The following STT3B variants were observed in gnomAD, a reference collection of about 807,000 sequenced individuals.
STT3B encodes the protein dolichyl-diphosphooligosaccharide--protein glycosyltransferase subunit STT3B.
STT3B carries 29 observed loss-of-function variants against 96.8 expected under a neutral mutation model. That is an observed-to-expected ratio of 0.30 (90% CI 0.22 to 0.41). STT3B has a LOEUF of 0.41. STT3B is among the 10% of genes least tolerant of loss of function. The pLI is 1.00. For synonymous variants in STT3B, 367 were observed against 360.0 expected (o/e 1.02, Z -0.22); for missense variants, 640 against 1,022.3 (o/e 0.63, Z 5.10).
intron 4 of STT3B, among the ~76,000 whole-genome samples, chr3:31,598,978 T>C (rs1395048475): frequency 2.0e-5 from 3 of 151,980 alleles, no homozygotes; most frequent in African/African-American, 7.2e-5. Flanking sequence ...CCTGGCTGAT[T>C]TTTGTATTTT....
At chr3:31,600,155 A>T (rs1366584929) in intron 4 of STT3B, among the ~76,000 whole-genome samples, 1 of 152,116 alleles carries the variant, frequency 6.6e-6, no homozygotes, top group African/African-American at 2.4e-5. Context: ...GGAAAAGCAT[A>T]TTGGATTTGT....
chr3:31,610,784 T>C (rs1699164059), intron 5 of STT3B, among the ~76,000 whole-genome samples: 1 of 152,206 alleles, frequency 6.6e-6, no homozygotes, highest in Non-Finnish European at 1.5e-5. Context: ...AATAATAATA[T>C]ATGTGTGTGT....
At chr3:31,534,435 A>G (rs1697034603) in intron 1 of STT3B, among the ~76,000 whole-genome samples, 1 of 152,180 alleles carries the variant, frequency 6.6e-6, no homozygotes, top group Non-Finnish European at 1.5e-5. Context: ...CTCTGAGAGT[A>G]TGCCTTTTAA....
chr3:31,633,103 C>G lies in STT3B; in HGVS notation c.2356C>G (p.Arg786Gly). ...DNRETLDHKP[R>G]VTNIFPKQKY... ...CAGGGAGACATTAGATCACAAACCT[C>G]GAGTCACCAACATTTTCCCAAAACA... is the stretch of plus-strand genomic sequence containing the variant. Residue 786 changes from arginine (R) to glycine (G), a missense_variant, in exon 15 of 16, where the codon CGA becomes GGA. This residue lies in a region of STT3B where 51 missense variants were observed against 64.2 expected (regional missense o/e 0.79). Transcript: ENST00000295770. The G allele has an allele frequency of 1.2e-6, 2 of 1,613,942 alleles. No individual in the cohort carries two copies. The highest frequency in any genetic ancestry group is 1.7e-6 in the Non-Finnish European group (2 of 1,179,928).
At chr3:31,583,899 C>G (rs749861982) in intron 3 of STT3B, among the ~76,000 whole-genome samples, 1 of 151,946 alleles carries the variant, frequency 6.6e-6, no homozygotes, top group Non-Finnish European at 1.5e-5. Context: ...GGATAGTGTC[C>G]TTTGCATGAA....
At chr3:31,549,195 A>G (rs1697491254) in intron 1 of STT3B, among the ~76,000 whole-genome samples, 1 of 152,092 alleles carries the variant, frequency 6.6e-6, no homozygotes, top group Non-Finnish European at 1.5e-5. Flanking sequence ...AGTGTTTTAA[A>G]TCTTTTTATT....
intron 1 of STT3B, among the ~76,000 whole-genome samples, chr3:31,561,799 C>T (rs1374241807): frequency 6.6e-6 from 1 of 151,836 alleles, no homozygotes; most frequent in Non-Finnish European, 1.5e-5. Flanking sequence ...AGAATTTTTT[C>T]CTGAAGATAT....
intron 5 of STT3B, among the ~76,000 whole-genome samples, chr3:31,605,010 A>G (rs997382869): frequency 1.3e-5 from 2 of 152,194 alleles, no homozygotes; most frequent in Non-Finnish European, 2.9e-5. Flanking sequence ...AATGAGTTAC[A>G]GGTTAATATA....
At chr3:31,546,958 C>T (rs1165701444) in intron 1 of STT3B, among the ~76,000 whole-genome samples, 1 of 152,184 alleles carries the variant, frequency 6.6e-6, no homozygotes, top group Non-Finnish European at 1.5e-5. Flanking sequence ...ATAGCATTTG[C>T]AAAGGTGTAC....
intron 13 of STT3B, among the ~76,000 whole-genome samples, chr3:31,628,154 A>C (rs1575448636): frequency 1.4e-5 from 2 of 145,580 alleles, no homozygotes; most frequent in Non-Finnish European, 3.0e-5. Context: ...TAGCCATTTC[A>C]CAGTGCATAT....
In STT3B at chr3:31,625,028, G is replaced by A. The variant is rs1291106793; in HGVS notation, c.1842G>A (p.Met614Ile). The A allele has an allele frequency of 5.0e-6, 8 of 1,613,738 alleles. No individual in the cohort carries two copies. Among genetic ancestry groups the A allele is most frequent in the Non-Finnish European group, 5.9e-6 (7 of 1,179,854 alleles). ...WWDYGYQIAG[M>I]ANRTTLVDNN... is the part of the protein sequence containing the mutation. ...ATTATGGCTATCAGATAGCTGGAAT[G>A]GCTAATAGAACTACGTTGGTGGATA... Residue 614 changes from methionine to isoleucine, a missense_variant, in exon 12 of 16, where the codon ATG becomes ATA. Coordinates refer to ENST00000295770, the MANE Select transcript of STT3B (RefSeq NM_178862.3).
intron 4 of STT3B, among the ~76,000 whole-genome samples, chr3:31,598,551 A>G (rs1698846119): frequency 6.6e-6 from 1 of 152,198 alleles, no homozygotes; most frequent in African/African-American, 2.4e-5. Flanking sequence ...AAATGAAGGA[A>G]AACTCTTAAA....
intron 1 of STT3B, among the ~76,000 whole-genome samples, chr3:31,567,768 AC>A (rs1206594641): frequency 3.3e-5 from 5 of 152,172 alleles, no homozygotes; most frequent in African/African-American, 1.2e-4. Context: ...ATGTTTTGGT[AC>A]AGGCATACAA....
At chr3:31,608,237 C>G (rs562256133) in intron 5 of STT3B, among the ~76,000 whole-genome samples, 1 of 152,266 alleles carries the variant, frequency 6.6e-6, no homozygotes, top group Non-Finnish European at 1.5e-5. Flanking sequence ...CATAGGTTTT[C>G]ATTTAAAATT....
chr3:31,562,503 G>T (rs1697904579), intron 1 of STT3B, among the ~76,000 whole-genome samples: 1 of 152,170 alleles, frequency 6.6e-6, no homozygotes, highest in South Asian at 2.1e-4. Context: ...GGGTGGACCG[G>T]CTGGCAGTGG....
chr3:31,581,728 C>G (rs959349558), intron 3 of STT3B, among the ~76,000 whole-genome samples: 1 of 152,126 alleles, frequency 6.6e-6, no homozygotes, highest in Non-Finnish European at 1.5e-5. Context: ...AGAAGGTGTT[C>G]CCTTCTCTTC....
At chr3:31,564,064 G>A (rs1559367220) in intron 1 of STT3B, among the ~76,000 whole-genome samples, 2 of 152,066 alleles carry the variant, frequency 1.3e-5, no homozygotes, top group African/African-American at 4.8e-5. Context: ...TCAAGTATAC[G>A]GGAGTATTCC....
intron 1 of STT3B, among the ~76,000 whole-genome samples, chr3:31,571,463 T>C (rs1442452763): frequency 6.6e-6 from 1 of 152,118 alleles, no homozygotes; most frequent in Admixed American, 6.6e-5. Flanking sequence ...ACAATTCTCA[T>C]GCCCATCATC....
At chr3:31,591,530 CTATT>C (rs955912904) in intron 3 of STT3B, among the ~76,000 whole-genome samples, 1 of 152,008 alleles carries the variant, frequency 6.6e-6, no homozygotes, top group Non-Finnish European at 1.5e-5. Flanking sequence ...CCTGTTATTG[CTATT>C]TATTTATAGC....
Sources: allele counts gnomAD v4.1 joint callset (sites outside exome capture counted in the v4.1 genomes callset), GRCh38; gene constraint gnomAD v4.1.1; regional missense constraint gnomAD v4.1.1; transcripts MANE v1.5; gene names NCBI Gene and HGNC (gene_info 2026-07-23, HGNC 2026-07-21).